Variants in SNTB1 observed in about 807,000 individuals in gnomAD.
SNTB1 encodes syntrophin beta 1, also known as beta-1-syntrophin.
A neutral mutation model predicts 48.9 loss-of-function variants in SNTB1; 36 were observed. That is an observed-to-expected ratio of 0.74 (90% CI 0.56 to 0.97). SNTB1 has a LOEUF of 0.97. Ranked by LOEUF, SNTB1 falls within the 50% of genes least tolerant of loss-of-function variation. The pLI, the probability that SNTB1 is intolerant of heterozygous loss-of-function variation, is 0.00. For synonymous variants in SNTB1, 299 were observed against 294.6 expected (o/e 1.01, Z -0.15); for missense variants, 786 against 703.4 (o/e 1.12, Z -1.33).
chr8:120,672,170 C>A (rs1361019737), intron 2 of SNTB1, among the ~76,000 whole-genome samples: 1 of 152,192 alleles, frequency 6.6e-6, no homozygotes, highest in Non-Finnish European at 1.5e-5. Context: ...ACAGGCTAAG[C>A]TAAGCTATGA....
At chr8:120,649,812 C>A (rs1364697721) in intron 2 of SNTB1, among the ~76,000 whole-genome samples, 2 of 152,150 alleles carry the variant, frequency 1.3e-5, no homozygotes. Context: ...TGCTAGCAAT[C>A]AGCGAGACTC....
chr8:120,565,871 G>C (rs1223556651), intron 4 of SNTB1, among the ~76,000 whole-genome samples: 1 of 152,130 alleles, frequency 6.6e-6, no homozygotes, highest in Non-Finnish European at 1.5e-5. Flanking sequence ...AGGTGACTAG[G>C]TTATGAGGGC....
At chr8:120,700,780 C>A (rs1442121824) in intron 1 of SNTB1, among the ~76,000 whole-genome samples, 1 of 152,184 alleles carries the variant, frequency 6.6e-6, no homozygotes. Context: ...AAAGAAAAAG[C>A]ACACAGGCTA....
chr8:120,679,508 C>A (rs2129813021), intron 2 of SNTB1, among the ~76,000 whole-genome samples: 1 of 152,326 alleles, frequency 6.6e-6, no homozygotes, highest in African/African-American at 2.4e-5. Context: ...CCGACTATGG[C>A]TCTGAGCAAA....
At chr8:120,738,339 G>A (rs546159680) in intron 1 of SNTB1, among the ~76,000 whole-genome samples, 2 of 152,280 alleles carry the variant, frequency 1.3e-5, no homozygotes, top group Non-Finnish European at 2.9e-5. Flanking sequence ...TCATAATAAT[G>A]TAACCAATAA....
At chr8:120,637,761 C>T in intron 2 of SNTB1, 1 of 390,100 alleles carries the variant, frequency 2.6e-6, no homozygotes, top group South Asian at 2.1e-5. Flanking sequence ...ATAAGACATT[C>T]TGTAATGTTT....
At chr8:120,582,737 T>C (rs547894724) in intron 3 of SNTB1, among the ~76,000 whole-genome samples, 25 of 151,494 alleles carry the variant, frequency 1.7e-4, no homozygotes, top group African/African-American at 5.8e-4. Context: ...GGGAGGGGAA[T>C]ATCACACACT....
intron 4 of SNTB1, 24 bp from the exon 5 acceptor site, chr8:120,548,982 T>C: frequency 6.8e-7 from 1 of 1,479,238 alleles, no homozygotes; most frequent in Non-Finnish European, 9.1e-7. Context: ...GAGAGAGACA[T>C]CATCAAAATG....
chr8:120,673,102 C>T (rs540743663), intron 2 of SNTB1, among the ~76,000 whole-genome samples: 5 of 152,270 alleles, frequency 3.3e-5, no homozygotes, highest in South Asian at 2.1e-4. Flanking sequence ...TACTTTGCCC[C>T]TGTAGCCTAA....
At chr8:120,576,290 A>G (rs1032187616) in intron 3 of SNTB1, among the ~76,000 whole-genome samples, 1 of 152,208 alleles carries the variant, frequency 6.6e-6, no homozygotes, top group Non-Finnish European at 1.5e-5. Flanking sequence ...ATAAGTCACA[A>G]CTCAAAAATC....
chr8:120,770,479 G>A (rs1319232360), intron 1 of SNTB1, among the ~76,000 whole-genome samples: 2 of 151,884 alleles, frequency 1.3e-5, no homozygotes, highest in African/African-American at 4.8e-5. Context: ...TGTTAAAAAG[G>A]AGAATATAAA....
Position 120,565,279 on chromosome 8 carries a change from G to A in SNTB1, c.1136+9807C>T, listed in dbSNP as rs1815730840. Among the ~76,000 whole-genome samples, 2 of 152,094 alleles carry A rather than the reference G, an allele frequency of 1.3e-5. 1 individual carries two copies. Among genetic ancestry groups the A allele is most frequent in the South Asian group, 4.1e-4 (2 of 4,824 alleles). ...AATTAGAAAATACTAAATTTATTTA[G>A]CACTTGCCATGTGTCAAGCACTATT... is the stretch of plus-strand genomic sequence containing the variant. On this transcript the variant is annotated intron_variant, in intron 4 of 6. Coordinates refer to ENST00000517992, the MANE Select transcript of SNTB1 (RefSeq NM_021021.4).
chr8:120,624,226 C>T (rs1816838781), intron 3 of SNTB1, among the ~76,000 whole-genome samples: 1 of 152,170 alleles, frequency 6.6e-6, no homozygotes, highest in Non-Finnish European at 1.5e-5. Flanking sequence ...GCATGAACCA[C>T]CGCACCTGCC....
chr8:120,802,402 C>T (rs1264387155), intron 1 of SNTB1, among the ~76,000 whole-genome samples: 1 of 152,072 alleles, frequency 6.6e-6, no homozygotes, highest in Non-Finnish European at 1.5e-5. Flanking sequence ...CATGTTTCTG[C>T]ACAACCAGCA....
intron 1 of SNTB1, 51 bp downstream of exon 1, chr8:120,811,222 C>A: frequency 6.5e-7 from 1 of 1,527,878 alleles, no homozygotes; most frequent in Non-Finnish European, 8.7e-7. Flanking sequence ...GGTGGGAAGC[C>A]GAGCAGGTGT....
In SNTB1 at chr8:120,611,636, C is replaced by G. The variant is rs141030075; in HGVS notation, c.996+20808G>C. Among the ~76,000 whole-genome samples the G allele has an allele frequency of 7.8e-3, 1,191 of 151,940 alleles. 16 individuals are homozygous for G. Among genetic ancestry groups the G allele is most frequent in the African/African-American group, 0.027 (1,136 of 41,416 alleles). ...AGGAGATCGAGACCATCCTGGCTAA[C>G]ACGGTGAAACCCCATTACTACTAAA... On this transcript the variant is annotated intron_variant, in intron 3 of 6. Coordinates refer to ENST00000517992, the MANE Select transcript of SNTB1 (RefSeq NM_021021.4).
chr8:120,719,834 T>TCACA (rs1818627275), intron 1 of SNTB1, among the ~76,000 whole-genome samples: 1 of 152,200 alleles, frequency 6.6e-6, no homozygotes, highest in African/African-American at 2.4e-5. Context: ...TCACCTTTGC[T>TCACA]CACATCAGTC....
At chr8:120,659,926 C>G (rs6995376) in intron 2 of SNTB1, among the ~76,000 whole-genome samples, 31,017 of 152,068 alleles carry the variant, frequency 0.2, 4,399 homozygotes, top group East Asian at 0.39. Context: ...TGACCAGTTA[C>G]AGTGTCAATA....
chr8:120,761,623 C>T (rs1819421467), intron 1 of SNTB1, among the ~76,000 whole-genome samples: 2 of 152,260 alleles, frequency 1.3e-5, no homozygotes, highest in South Asian at 4.1e-4. Context: ...AAACTTGGAA[C>T]ACATTGTATT....
Sources: allele counts gnomAD v4.1 joint callset (sites outside exome capture counted in the v4.1 genomes callset), GRCh38; gene constraint gnomAD v4.1.1; transcripts MANE v1.5; gene names NCBI Gene and HGNC (gene_info 2026-07-23, HGNC 2026-07-21).